The following SNAPIN variants were observed in gnomAD, a reference collection of about 807,000 sequenced individuals.
SNAPIN encodes SNAP associated protein.
In SNAPIN, 16 loss-of-function variants were observed where a neutral mutation model predicts 15.9. The ratio of observed to expected loss-of-function variants is 1.01; its 90% confidence interval spans 0.68 to 1.53. SNAPIN has a LOEUF of 1.53. SNAPIN is among the 40% of genes most tolerant of loss of function. The pLI, the probability that SNAPIN is intolerant of heterozygous loss-of-function variation, is 0.00. For synonymous variants in SNAPIN, 83 were observed against 76.2 expected, an observed-to-expected ratio of 1.09 and a Z score of -0.46; for missense variants, 186 against 180.1, an observed-to-expected ratio of 1.03 and a Z score of -0.19.
intron 3 of SNAPIN, among the ~76,000 whole-genome samples, chr1:153,660,360 C>G (rs561212192): frequency 7.2e-6 from 1 of 139,018 alleles, no homozygotes; most frequent in Admixed American, 7.4e-5. Flanking sequence ...AATAAAAAGA[C>G]AGGATCGGCT....
In SNAPIN at chr1:153,658,712, G is replaced by A; in HGVS notation, c.-32G>A. The stretch of plus-strand genomic sequence containing the variant: ...GCGGCTCCGGTTCCCGGCGGCCCTC[G>A]CGGCAGGTTTCGGGCTTCAGGACAA... On this transcript the variant is annotated 5_prime_UTR_variant, in exon 1 of 4. Transcript: ENST00000368685. The A allele has an allele frequency of 6.7e-7, 1 of 1,495,466 alleles. No homozygotes were observed. The highest frequency in any genetic ancestry group is 8.9e-7 in the Non-Finnish European group (1 of 1,129,690). The allele number at this position is 1,495,466 out of a possible 1,614,324, so 92.6% of individuals were successfully genotyped here.
chr1:153,659,021 G>T, intron 1 of SNAPIN, 117 bp from the exon 2 acceptor site: 2 of 1,542,960 alleles, frequency 1.3e-6, no homozygotes, highest in Non-Finnish European at 1.8e-6. Flanking sequence ...CGGGAAGGCC[G>T]CAGGTGGAGG....
At position 153,661,522 on chromosome 1, in the gene SNAPIN, G is replaced by A; in HGVS notation, c.*221G>A. ...TTCCCAAAGGACTTACATTAATTAT[G>A]GCTCTTGCTTCCTTTCACAAATGAG... On this transcript the variant is annotated 3_prime_UTR_variant, in exon 4 of 4. Coordinates refer to ENST00000368685, the MANE Select transcript of SNAPIN (RefSeq NM_012437.6). The A allele has an allele frequency of 2.7e-6, 1 of 370,280 alleles. No homozygotes were observed. Among genetic ancestry groups the A allele is most frequent in the Non-Finnish European group, 5.1e-6 (1 of 197,024 alleles). 22.9% of individuals were successfully genotyped at this position (370,280 alleles called of 1,614,324 possible). A position where few individuals can be genotyped will look rare whatever the true frequency, so the allele number is the denominator to read the frequency against.
chr1:153,659,764 C>T (rs1048577128), intron 3 of SNAPIN, among the ~76,000 whole-genome samples, 198 bp downstream of exon 3: 4 of 152,058 alleles, frequency 2.6e-5, no homozygotes, highest in Admixed American at 6.5e-5. Flanking sequence ...GTGTGTGTGA[C>T]AGTCTCCCTC....
At chr1:153,659,020 C>T in intron 1 of SNAPIN, 118 bp from the exon 2 acceptor site, 1 of 1,549,482 alleles carries the variant, frequency 6.5e-7, no homozygotes, top group Non-Finnish European at 8.8e-7. Context: ...GCGGGAAGGC[C>T]GCAGGTGGAG....
Position 153,661,541 on chromosome 1 carries a change from A to G in SNAPIN, c.*240A>G, listed in dbSNP as rs1445961757. The G allele has an allele frequency of 5.9e-6, 2 of 336,520 alleles. No individual in the cohort carries two copies. The highest frequency in any genetic ancestry group is 7.9e-5 in the Admixed American group (2 of 25,222). The allele number at this position is 336,520 out of a possible 1,614,324, so 20.8% of individuals were successfully genotyped here. On this transcript the variant is annotated 3_prime_UTR_variant, in exon 4 of 4. Transcript: ENST00000368685. ...AATTATGGCTCTTGCTTCCTTTCAC[A>G]AATGAGCTGAGGCCTCTACTTTTTT...
In SNAPIN at chr1:153,661,354, T is replaced by A; in HGVS notation, c.*53T>A. 2 of 1,362,230 alleles carry A rather than the reference T, an allele frequency of 1.5e-6. No homozygotes were observed. Among genetic ancestry groups the A allele is most frequent in the Middle Eastern group, 3.6e-4 (2 of 5,522 alleles). 84.4% of individuals were successfully genotyped at this position (1,362,230 alleles called of 1,614,324 possible). Reference sequence around the variant, plus strand: ...AAGTACTGTTCCCCAGCTGCCTTGTTTCAACAGACATGCAAAGATCCTAGG... The same window carrying A: ...AAGTACTGTTCCCCAGCTGCCTTGTATCAACAGACATGCAAAGATCCTAGG... On this transcript the variant is annotated 3_prime_UTR_variant, in exon 4 of 4. Coordinates refer to ENST00000368685, the MANE Select transcript of SNAPIN (RefSeq NM_012437.6).
At position 153,661,183 on chromosome 1, in the gene SNAPIN, C is replaced by G; in HGVS notation, c.310-17C>G. 1 of 1,609,536 alleles carries G rather than the reference C, an allele frequency of 6.2e-7. No homozygotes were observed. Among genetic ancestry groups the G allele is most frequent in the Non-Finnish European group, 8.5e-7 (1 of 1,176,270 alleles). On this transcript the variant is annotated splice_polypyrimidine_tract_variant and intron_variant, in intron 3 of 3. Coordinates refer to ENST00000368685, the MANE Select transcript of SNAPIN (RefSeq NM_012437.6). ...CTTTCACAGTGGTTAAGATTCCAAA[C>G]CTTCCTTGTCTTGTAGGAACGACTG...
Position 153,661,724 on chromosome 1 carries a change from G to A in SNAPIN, c.*423G>A, listed in dbSNP as rs1046807306. ...TACACTGGGGATTTGGAGGGGGCAG[G>A]CAAAGTCAAAGTGAATGACCTCTGT... On this transcript the variant is annotated 3_prime_UTR_variant, in exon 4 of 4. Coordinates refer to ENST00000368685, the MANE Select transcript of SNAPIN (RefSeq NM_012437.6). 2 of 160,988 alleles carry A rather than the reference G, an allele frequency of 1.2e-5. No individual in the cohort carries two copies. Among genetic ancestry groups the A allele is most frequent in the African/African-American group, 2.4e-5 (1 of 41,542 alleles). 10.0% of individuals were successfully genotyped at this position (160,988 alleles called of 1,614,324 possible).
chr1:153,661,182 ACCTT>A lies in SNAPIN; in HGVS notation c.310-13_310-10del, dbSNP rs763075026. 2 of 1,609,688 alleles carry A rather than the reference ACCTT, an allele frequency of 1.2e-6. No individual in the cohort carries two copies. The highest frequency in any genetic ancestry group is 1.7e-6 in the Non-Finnish European group (2 of 1,176,502). ...CCTTTCACAGTGGTTAAGATTCCAAACCTTCCTTGTCTTGTAGGAACGACTGAGA... is the reference window on the plus strand; with the variant it reads ...CCTTTCACAGTGGTTAAGATTCCAAACCTTGTCTTGTAGGAACGACTGAGA... On this transcript the variant is annotated splice_polypyrimidine_tract_variant and intron_variant, in intron 3 of 3. Coordinates refer to ENST00000368685, the MANE Select transcript of SNAPIN (RefSeq NM_012437.6).
At chr1:153,660,312 T>G (rs1232426975) in intron 3 of SNAPIN, among the ~76,000 whole-genome samples, 3 of 149,152 alleles carry the variant, frequency 2.0e-5, no homozygotes, top group African/African-American at 7.4e-5. Context: ...CGTGAGCCAC[T>G]GCACCCGGCC....
chr1:153,659,321 T>C, intron 2 of SNAPIN, 127 bp from the exon 3 acceptor site: 3 of 1,235,102 alleles, frequency 2.4e-6, no homozygotes, highest in South Asian at 2.4e-5. Flanking sequence ...CTTTCAGGGA[T>C]GTCTTAAATC....
chr1:153,659,621 C>A, intron 3 of SNAPIN, 55 bp downstream of exon 3: 1 of 1,219,306 alleles, frequency 8.2e-7, no homozygotes, highest in Non-Finnish European at 1.2e-6. Flanking sequence ...AAGTCCTCAA[C>A]ACAGTGAAAG....
At position 153,661,392 on chromosome 1, in the gene SNAPIN, T is replaced by C. The variant is rs575372425; in HGVS notation, c.*91T>C. 1.6e-4 allele frequency: 150 copies of C among 967,362 alleles called. No homozygotes were observed. In the African/African-American group the frequency reaches 1.8e-3, roughly 12 times the overall value. The allele number at this position is 967,362 out of a possible 1,614,324, so 59.9% of individuals were successfully genotyped here. ...CAAAGATCCTAGGAGACAGTCCCCATAGACCTTCAGACATTAAAAAGGGAG... is the reference window on the plus strand; with the variant it reads ...CAAAGATCCTAGGAGACAGTCCCCACAGACCTTCAGACATTAAAAAGGGAG... On this transcript the variant is annotated 3_prime_UTR_variant, in exon 4 of 4. Coordinates refer to ENST00000368685, the MANE Select transcript of SNAPIN (RefSeq NM_012437.6).
chr1:153,659,636 T>C, intron 3 of SNAPIN, 70 bp downstream of exon 3: 1 of 1,075,898 alleles, frequency 9.3e-7, no homozygotes, highest in Non-Finnish European at 1.4e-6. Flanking sequence ...TGAAAGCCAC[T>C]GTAATTTTAA....
Position 153,661,314 on chromosome 1 carries a change from T to C in SNAPIN, c.*13T>C, listed in dbSNP as rs200398194. ...CCCAGGCAAATAACAGATGAGCCTA[T>C]GGACTCAGTAGCACAAGTACTGTTC... On this transcript the variant is annotated 3_prime_UTR_variant, in exon 4 of 4. Transcript: ENST00000368685. The C allele has an allele frequency of 3.3e-3, 5,230 of 1,593,216 alleles. 20 individuals carry two copies. The highest frequency in any genetic ancestry group is 3.6e-3 in the Non-Finnish European group (4,134 of 1,161,500).
At chr1:153,660,693 G>A (rs895528165) in intron 3 of SNAPIN, among the ~76,000 whole-genome samples, 1 of 149,676 alleles carries the variant, frequency 6.7e-6, no homozygotes, top group African/African-American at 2.5e-5. Flanking sequence ...TCACTATGGT[G>A]CCCAGGCTGT....
chr1:153,661,282 C>G lies in SNAPIN; in HGVS notation c.392C>G (p.Pro131Arg). The change falls in exon 4 of 4, where the codon CCT (proline) becomes CGT (arginine). Residue 131 changes from proline (P) to arginine (R), a missense_variant. Transcript: ENST00000368685. ...RAMLDSGIYPPGSPGK is the reference protein window; with the variant it reads ...RAMLDSGIYPRGSPGK ...ATGCTGGATTCGGGAATTTACCCCCCTGGCTCCCCAGGCAAATAACAGATG... is the reference window on the plus strand; with the variant it reads ...ATGCTGGATTCGGGAATTTACCCCCGTGGCTCCCCAGGCAAATAACAGATG... 1 of 1,613,388 alleles carries G rather than the reference C, an allele frequency of 6.2e-7. No homozygotes were observed. Among genetic ancestry groups the G allele is most frequent in the Non-Finnish European group, 8.5e-7 (1 of 1,179,538 alleles).
At position 153,661,510 on chromosome 1, in the gene SNAPIN, T is replaced by TC. The variant is rs1669162404; in HGVS notation, c.*209_*210insC. On this transcript the variant is annotated 3_prime_UTR_variant, in exon 4 of 4. Transcript: ENST00000368685. The stretch of plus-strand genomic sequence containing the variant: ...GCCAGAATGAGGTTCCCAAAGGACT[T>TC]ACATTAATTATGGCTCTTGCTTCCT... The TC allele has an allele frequency of 2.6e-6, 1 of 388,952 alleles. No individual in the cohort carries two copies. Among genetic ancestry groups the TC allele is most frequent in the Admixed American group, 3.6e-5 (1 of 27,494 alleles). The allele number at this position is 388,952 out of a possible 1,614,324, so 24.1% of individuals were successfully genotyped here. A position where few individuals can be genotyped will look rare whatever the true frequency, so the allele number is the denominator to read the frequency against.
Sources: allele counts gnomAD v4.1 joint callset (sites outside exome capture counted in the v4.1 genomes callset), GRCh38; gene constraint gnomAD v4.1.1; transcripts MANE v1.5; gene names NCBI Gene and HGNC (gene_info 2026-07-23, HGNC 2026-07-21).